The following USP49 variants were observed in gnomAD, a reference collection of about 807,000 sequenced individuals.
The protein encoded by USP49 is ubiquitin specific peptidase 49.
In USP49, 24 loss-of-function variants were observed where a neutral mutation model predicts 58.6. That is an observed-to-expected ratio of 0.41 (90% CI 0.30 to 0.58). The LOEUF is 0.58. USP49 is among the 20% of genes least tolerant of loss of function. The pLI, the probability that USP49 is intolerant of heterozygous loss-of-function variation, is 0.30. For synonymous variants in USP49, 408 were observed against 365.1 expected (o/e 1.12, Z -1.34); for missense variants, 703 against 866.1 (o/e 0.81, Z 2.36).
chr6:41,802,456 A>ATTTTTTTTTTTTTT lies in USP49; in HGVS notation c.1561+1349_1561+1350insAAAAAAAAAAAAAA, dbSNP rs1186521851. 5.7e-5 allele frequency among the ~76,000 whole-genome samples: 4 copies of ATTTTTTTTTTTTTT among 70,280 alleles called. 1 individual carries two copies. Among genetic ancestry groups the ATTTTTTTTTTTTTT allele is most frequent in the Admixed American group, 1.7e-4 (1 of 5,766 alleles). The allele number at this position is 70,280 out of a possible 152,430, so 46.1% of individuals were successfully genotyped here. ...TATTTATTTATTTATTTATTTATTTATTTATTTATTTATTTTTTATTTATT... is the reference window on the plus strand; with the variant it reads ...TATTTATTTATTTATTTATTTATTTATTTTTTTTTTTTTTTTTATTTATTTATTTTTTATTTATT... On this transcript the variant is annotated intron_variant, in intron 5 of 7. Coordinates refer to ENST00000682992, the MANE Select transcript of USP49 (RefSeq NM_001286554.2).
chr6:41,816,297 T>G (rs1382418790), intron 3 of USP49, among the ~76,000 whole-genome samples: 1 of 152,232 alleles, frequency 6.6e-6, no homozygotes, highest in Non-Finnish European at 1.5e-5. Context: ...ACACCTCCTT[T>G]TTGTAGAAAC....
chr6:41,884,651 G>A (rs1224197949), intron 2 of USP49, among the ~76,000 whole-genome samples: 1 of 152,154 alleles, frequency 6.6e-6, no homozygotes, highest in Non-Finnish European at 1.5e-5. Context: ...TCCAAATTCA[G>A]AATAATATTT....
At chr6:41,824,050 G>A (rs908728065) in intron 3 of USP49, among the ~76,000 whole-genome samples, 8 of 152,152 alleles carry the variant, frequency 5.3e-5, no homozygotes, top group East Asian at 1.9e-4. Flanking sequence ...AGATAGCCAC[G>A]TACTCTGAAA....
At chr6:41,869,039 C>G (rs150739288) in intron 3 of USP49, 2 of 150,838 alleles carry the variant, frequency 1.3e-5, no homozygotes, top group Non-Finnish European at 2.9e-5. Flanking sequence ...GCTGGGATTA[C>G]AGGCGTAAGC....
chr6:41,802,452 A>ATTTTTTTTTTTTTTTT (rs1561902624), intron 5 of USP49, among the ~76,000 whole-genome samples: 2 of 63,832 alleles, frequency 3.1e-5, no homozygotes, highest in African/African-American at 7.3e-5. Context: ...TTATTTATTT[A>ATTTTTTTTTTTTTTTT]TTTATTTATT....
chr6:41,861,529 T>C (rs4526183), intron 3 of USP49, among the ~76,000 whole-genome samples: 118,653 of 152,140 alleles, frequency 0.78, 47,037 homozygotes, highest in African/African-American at 0.94. Flanking sequence ...CTCCAGTAGC[T>C]TCCCTAGAGG....
At chr6:41,886,007 A>G (rs1774704077) in intron 2 of USP49, among the ~76,000 whole-genome samples, 1 of 152,148 alleles carries the variant, frequency 6.6e-6, no homozygotes, top group East Asian at 1.9e-4. Context: ...CATTTCTAAA[A>G]TATTTCTTTT....
intron 3 of USP49, among the ~76,000 whole-genome samples, chr6:41,835,492 T>C (rs1773708376): frequency 6.6e-6 from 1 of 151,914 alleles, no homozygotes; most frequent in Non-Finnish European, 1.5e-5. Flanking sequence ...GGTGGGTGGA[T>C]CACGAGGTCA....
At chr6:41,847,948 G>A (rs1490493715) in intron 3 of USP49, among the ~76,000 whole-genome samples, 1 of 152,022 alleles carries the variant, frequency 6.6e-6, no homozygotes, top group Non-Finnish European at 1.5e-5. Flanking sequence ...ACTTCAACAA[G>A]GATAAATCTA....
Position 41,805,940 on chromosome 6 carries a change from C to CT in USP49, c.1043dup (p.Glu349GlyfsTer12). 1 of 1,613,980 alleles carries CT rather than the reference C, an allele frequency of 6.2e-7. No homozygotes were observed. Among genetic ancestry groups the CT allele is most frequent in the African/African-American group, 1.3e-5 (1 of 75,054 alleles). On this transcript the variant is annotated frameshift_variant, in exon 4 of 8. Transcript: ENST00000682992. LOFTEE classifies it high-confidence loss of function. ...GGGAAATGTGCTTTGAACTCGGCTC[C>CT]TTGTTCTGGATGAGCTCCAGACTCC...
chr6:41,826,498 GA>G (rs1773539420), intron 3 of USP49, among the ~76,000 whole-genome samples: 1 of 152,180 alleles, frequency 6.6e-6, no homozygotes, highest in Non-Finnish European at 1.5e-5. Context: ...TTCCAGACAT[GA>G]TTTGCTCCTT....
rs551195694 is a variant in USP49, at chr6:41,824,408, TA to T, written c.-28-17398del. On this transcript the variant is annotated intron_variant, in intron 3 of 7. Coordinates refer to ENST00000682992, the MANE Select transcript of USP49 (RefSeq NM_001286554.2). ...ATAATAAAAGTCCAATTTAGATGTT[TA>T]AAAAAAAAAAACATAGCATCGCCGG... is the stretch of plus-strand genomic sequence containing the variant. Among the ~76,000 whole-genome samples, 1,386 of 145,244 alleles carry T rather than the reference TA, an allele frequency of 9.5e-3. 29 individuals are homozygous for T. Among genetic ancestry groups the T allele is most frequent in the African/African-American group, 0.033 (1,314 of 39,810 alleles).
chr6:41,816,155 A>AAG (rs953886906), intron 3 of USP49, among the ~76,000 whole-genome samples: 3 of 152,180 alleles, frequency 2.0e-5, no homozygotes, highest in Admixed American at 6.5e-5. Context: ...TCTGTCTAAA[A>AAG]AGAGAGAGAG....
At chr6:41,884,125 G>A (rs1774666239) in intron 2 of USP49, among the ~76,000 whole-genome samples, 1 of 152,050 alleles carries the variant, frequency 6.6e-6, no homozygotes, top group African/African-American at 2.4e-5. Context: ...CTGGGTTCAA[G>A]CAATTCTCCT....
In USP49 at chr6:41,796,384, C is replaced by T. The variant is rs781441029; in HGVS notation, c.*149G>A. ...CAAAAGAAAGAGACTATAAAATTTA[C>T]GACAGGACACGAATCACCTGGCACC... On this transcript the variant is annotated 3_prime_UTR_variant, in exon 8 of 8. Transcript: ENST00000682992. The T allele has an allele frequency of 1.4e-4, 77 of 542,074 alleles. No homozygotes were observed. The highest frequency in any genetic ancestry group is 3.6e-4 in the Admixed American group (12 of 33,056). 33.6% of individuals were successfully genotyped at this position (542,074 alleles called of 1,614,324 possible). A position where few individuals can be genotyped will look rare whatever the true frequency, so the allele number is the denominator to read the frequency against.
intron 3 of USP49, among the ~76,000 whole-genome samples, chr6:41,835,178 G>A (rs1339619955): frequency 6.6e-6 from 1 of 152,170 alleles, no homozygotes; most frequent in Admixed American, 6.6e-5. Flanking sequence ...ATATCCCAGA[G>A]GGGAAAAGAC....
At chr6:41,864,253 C>T (rs185014401) in intron 3 of USP49, among the ~76,000 whole-genome samples, 1 of 152,202 alleles carries the variant, frequency 6.6e-6, no homozygotes, top group Non-Finnish European at 1.5e-5. Flanking sequence ...TTAAAAAGGG[C>T]ATAAATTCAT....
At chr6:41,813,143 A>C (rs1311169504) in intron 3 of USP49, among the ~76,000 whole-genome samples, 1 of 152,196 alleles carries the variant, frequency 6.6e-6, no homozygotes, top group East Asian at 1.9e-4. Context: ...TATTATATTA[A>C]GACAGCATAG....
intron 2 of USP49, among the ~76,000 whole-genome samples, chr6:41,876,260 A>C (rs1398777901): frequency 6.6e-6 from 1 of 152,194 alleles, no homozygotes; most frequent in Non-Finnish European, 1.5e-5. Flanking sequence ...TTGGAGTGGA[A>C]ACATATCTTC....
Sources: gnomAD v4.1 joint callset for allele counts (sites outside exome capture counted in the v4.1 genomes callset) on GRCh38, gnomAD v4.1.1 for gene constraint, MANE v1.5 for transcripts, NCBI Gene and HGNC (gene_info 2026-07-23, HGNC 2026-07-21) for gene names.